PRICKLE1: variants seen among roughly 807,000 people sequenced by gnomAD.
The protein encoded by PRICKLE1 is prickle planar cell polarity protein 1, also known as prickle-like protein 1.
A neutral mutation model predicts 70.2 loss-of-function variants in PRICKLE1; 14 were observed. The ratio of observed to expected loss-of-function variants is 0.20; its 90% CI spans 0.13 to 0.31. The LOEUF (loss-of-function observed/expected upper bound fraction) is 0.31, where lower values mean the gene tolerates loss of function less well. PRICKLE1 is among the 10% of genes least tolerant of loss of function. The probability of loss-of-function intolerance (pLI) is 1.00; values close to 1 mark genes in which losing one functional copy is unlikely to be tolerated. For synonymous variants in PRICKLE1, 357 were observed against 379.9 expected, an observed-to-expected ratio of 0.94 and a Z score of 0.70; for missense variants, 821 against 1,026.2, an observed-to-expected ratio of 0.80 and a Z score of 2.73.
chr12:42,570,768 C>T (rs1566131321), intron 1 of PRICKLE1, among the ~76,000 whole-genome samples: 3 of 151,974 alleles, frequency 2.0e-5, no homozygotes, highest in Non-Finnish European at 4.4e-5. Context: ...TGCAGTGAGC[C>T]GAGATTGTAC....
intron 1 of PRICKLE1, among the ~76,000 whole-genome samples, chr12:42,502,088 GT>G (rs1939321310): frequency 6.6e-6 from 1 of 151,782 alleles, no homozygotes; most frequent in African/African-American, 2.4e-5. Flanking sequence ...TTCTGTTTGT[GT>G]TTTGTCTCAG....
intron 1 of PRICKLE1, among the ~76,000 whole-genome samples, chr12:42,556,311 T>C (rs889348561): frequency 3.3e-5 from 5 of 152,180 alleles, no homozygotes; most frequent in African/African-American, 9.7e-5. Context: ...CTCCTCCCCT[T>C]TGCCCCATTC....
intron 1 of PRICKLE1, among the ~76,000 whole-genome samples, chr12:42,475,997 G>A (rs537763269): frequency 1.1e-4 from 17 of 150,650 alleles, no homozygotes; most frequent in Non-Finnish European, 2.4e-4. Context: ...CTACTCAGGA[G>A]GCTGAGGGAG....
intron 1 of PRICKLE1, among the ~76,000 whole-genome samples, chr12:42,506,069 C>T (rs1939404282): frequency 1.3e-5 from 2 of 152,052 alleles, no homozygotes; most frequent in African/African-American, 4.8e-5. Context: ...AAATTCTACC[C>T]GGACATCGCA....
At chr12:42,469,183 C>A (rs1938219930) in intron 4 of PRICKLE1, among the ~76,000 whole-genome samples, 1 of 152,162 alleles carries the variant, frequency 6.6e-6, no homozygotes, top group South Asian at 2.1e-4. Context: ...TATCCTAGCA[C>A]CTACCTCCAT....
chr12:42,527,286 C>A (rs921911545), intron 1 of PRICKLE1, among the ~76,000 whole-genome samples: 1 of 151,700 alleles, frequency 6.6e-6, no homozygotes, highest in Non-Finnish European at 1.5e-5. Context: ...GTGCGCTCCA[C>A]CATACCTGGC....
intron 1 of PRICKLE1, among the ~76,000 whole-genome samples, chr12:42,485,766 T>C (rs1938977382): frequency 6.6e-6 from 1 of 152,228 alleles, no homozygotes; most frequent in Non-Finnish European, 1.5e-5. Flanking sequence ...CTACAAACTA[T>C]AGCAGCACTT....
At chr12:42,538,324 T>C (rs1463778223) in intron 1 of PRICKLE1, among the ~76,000 whole-genome samples, 3 of 152,066 alleles carry the variant, frequency 2.0e-5, no homozygotes, top group Non-Finnish European at 4.4e-5. Flanking sequence ...CAAAAAAAAA[T>C]AGATGGTCTC....
chr12:42,506,567 CTTT>C lies in PRICKLE1; in HGVS notation c.-48-34006_-48-34004del, dbSNP rs139103281. On this transcript the variant is annotated intron_variant, in intron 1 of 7. Transcript: ENST00000345127. The stretch of plus-strand genomic sequence containing the variant: ...CCACCGCGCCCAGCTCAATAGTGTT[CTTT>C]TTTTTTTTTTTTTTTTTTTTTTTTT... 9.3e-3 allele frequency among the ~76,000 whole-genome samples: 602 copies of C among 64,500 alleles called. 3 individuals carry two copies. The highest frequency in any genetic ancestry group is 0.031 in the East Asian group (51 of 1,632). 42.3% of individuals were successfully genotyped at this position (64,500 alleles called of 152,430 possible).
chr12:42,483,405 C>T (rs917960199), intron 1 of PRICKLE1: 1 of 152,022 alleles, frequency 6.6e-6, no homozygotes, highest in African/African-American at 2.4e-5. Context: ...CGAGCGCGGC[C>T]TGCAGCCCCT....
intron 6 of PRICKLE1, chr12:42,465,887 T>G: frequency 2.2e-6 from 1 of 460,716 alleles, no homozygotes; most frequent in Non-Finnish European, 4.0e-6. Flanking sequence ...TATTGATGGG[T>G]TGATGAAACT....
chr12:42,486,394 T>G (rs1938991417), intron 1 of PRICKLE1, among the ~76,000 whole-genome samples: 1 of 152,180 alleles, frequency 6.6e-6, no homozygotes, highest in African/African-American at 2.4e-5. Flanking sequence ...AAACATGAGT[T>G]AAGTGAATGA....
intron 1 of PRICKLE1, 119 bp from the exon 2 acceptor site, chr12:42,472,683 A>G: frequency 1.2e-6 from 1 of 820,148 alleles, no homozygotes; most frequent in Admixed American, 2.3e-5. Context: ...GAAAGTAACC[A>G]AATTACTACT....
chr12:42,486,722 C>A (rs577986567), intron 1 of PRICKLE1, among the ~76,000 whole-genome samples: 2 of 152,272 alleles, frequency 1.3e-5, no homozygotes, highest in South Asian at 2.1e-4. Flanking sequence ...TTTTTCCCTT[C>A]TAAAAAGACC....
intron 1 of PRICKLE1, among the ~76,000 whole-genome samples, chr12:42,539,284 G>A (rs1360877614): frequency 2.6e-5 from 4 of 151,952 alleles, no homozygotes; most frequent in East Asian, 1.9e-4. Flanking sequence ...TGGCTAACAC[G>A]GTGAAACCCT....
chr12:42,587,942 T>G (rs1026449649), intron 1 of PRICKLE1, among the ~76,000 whole-genome samples: 1 of 152,202 alleles, frequency 6.6e-6, no homozygotes, highest in Admixed American at 6.5e-5. Context: ...ATGGGATTTT[T>G]TTTTGTTTTT....
Position 42,460,618 on chromosome 12 carries a change from G to A in PRICKLE1, c.1687C>T (p.Leu563=). Residue 563 remains leucine (L), a synonymous_variant, in exon 8 of 8, where the codon CTG becomes TTG. Coordinates refer to ENST00000345127, the MANE Select transcript of PRICKLE1 (RefSeq NM_153026.3). Reference sequence around the variant, plus strand: ...GTTTCCATCTCCTCAAAATTTTGCAGAGAATACAATGATGGCCTTGGCTTG... The same window carrying A: ...GTTTCCATCTCCTCAAAATTTTGCAAAGAATACAATGATGGCCTTGGCTTG... The part of the protein sequence containing the change: ...ENKPRPSLYS[L]QNFEEMETED... 1 of 1,612,894 alleles carries A rather than the reference G, an allele frequency of 6.2e-7. No homozygotes were observed. Among genetic ancestry groups the A allele is most frequent in the African/African-American group, 1.3e-5 (1 of 75,046 alleles).
intron 1 of PRICKLE1, among the ~76,000 whole-genome samples, chr12:42,588,542 C>G (rs1438546673): frequency 3.3e-5 from 5 of 151,528 alleles, no homozygotes; most frequent in African/African-American, 9.7e-5. Context: ...GGCTGGTTCC[C>G]GTGGTGTGTT....
At chr12:42,512,431 C>A (rs1260751796) in intron 1 of PRICKLE1, among the ~76,000 whole-genome samples, 2 of 152,192 alleles carry the variant, frequency 1.3e-5, no homozygotes, top group Non-Finnish European at 2.9e-5. Flanking sequence ...CCGCCTTGGC[C>A]TCCCAAAGTG....
Sources: allele counts gnomAD v4.1 joint callset (sites outside exome capture counted in the v4.1 genomes callset), GRCh38; gene constraint gnomAD v4.1.1; transcripts MANE v1.5; gene names NCBI Gene and HGNC (gene_info 2026-07-23, HGNC 2026-07-21).